Variants in EEF1AKMT3 observed in about 807,000 individuals in gnomAD.
EEF1AKMT3 encodes eEF1A-KMT3.
Under a neutral mutation model 17.8 loss-of-function variants are expected in EEF1AKMT3, and 17 were observed. That is an observed-to-expected ratio of 0.96 (90% CI 0.65 to 1.43). The LOEUF is 1.43. Ranked by LOEUF, EEF1AKMT3 falls within the 40% of genes most tolerant of loss-of-function variation. EEF1AKMT3 has a pLI of 0.00. For synonymous variants in EEF1AKMT3, 116 were observed against 126.5 expected, an observed-to-expected ratio of 0.92 and a Z score of 0.56; for missense variants, 244 against 285.8, an observed-to-expected ratio of 0.85 and a Z score of 1.06.
chr12:57,774,932 C>T (rs978747271), intron 2 of EEF1AKMT3, among the ~76,000 whole-genome samples: 1 of 151,634 alleles, frequency 6.6e-6, no homozygotes, highest in African/African-American at 2.4e-5. Flanking sequence ...ATGGAGAAAC[C>T]CCATCTCTAC....
intron 2 of EEF1AKMT3, chr12:57,774,676 G>GA: frequency 1.2e-6 from 2 of 1,609,700 alleles, no homozygotes; most frequent in Non-Finnish European, 1.7e-6. Flanking sequence ...CATAGAACAA[G>GA]AACTCTGGCG....
intron 2 of EEF1AKMT3, 64 bp downstream of exon 2, chr12:57,773,192 C>T (rs1160360583): frequency 8.7e-6 from 13 of 1,490,760 alleles, no homozygotes; most frequent in Non-Finnish European, 1.1e-5. Context: ...ATGGTCACTT[C>T]GTGGATCTTT....
chr12:57,773,250 C>G (rs1325584285), intron 2 of EEF1AKMT3, 122 bp downstream of exon 2: 11 of 911,996 alleles, frequency 1.2e-5, no homozygotes, highest in Admixed American at 5.2e-5. Context: ...TTCTTTTTAA[C>G]AAATTTTTTT....
Position 57,772,720 on chromosome 12 carries a change from G to GGT in EEF1AKMT3, c.-5_-4insGT. The GGT allele has an allele frequency of 6.2e-7, 1 of 1,611,228 alleles. No homozygotes were observed. ...CGGTGCCCAGGCACTCCCTTGGCGG[G>GGT]CCGGATGGCGGACCCCGGCCCAGAT... On this transcript the variant is annotated 5_prime_UTR_variant, in exon 1 of 3. Coordinates refer to ENST00000300209, the MANE Select transcript of EEF1AKMT3 (RefSeq NM_015433.3). This position sits in a 1 kb window ranked among gnomAD's most constrained non-coding sequence, Gnocchi z 4.1.
intron 2 of EEF1AKMT3, among the ~76,000 whole-genome samples, chr12:57,775,609 T>C (rs1955476310): frequency 6.6e-6 from 1 of 152,222 alleles, no homozygotes; most frequent in Non-Finnish European, 1.5e-5. Context: ...CGTGAACTCC[T>C]GGCCTCAAGT....
chr12:57,775,959 A>C (rs1955478273), intron 2 of EEF1AKMT3, among the ~76,000 whole-genome samples: 1 of 152,158 alleles, frequency 6.6e-6, no homozygotes, highest in Admixed American at 6.5e-5. Flanking sequence ...ACAGCTCCCC[A>C]GTCCAAACCA....
In EEF1AKMT3 at chr12:57,781,637, A is replaced by G. The variant is rs1955516370; in HGVS notation, c.*991A>G. The G allele has an allele frequency of 6.6e-6, 1 of 152,190 alleles. No homozygotes were observed. The highest frequency in any genetic ancestry group is 2.4e-5 in the African/African-American group (1 of 41,432). 9.4% of individuals were successfully genotyped at this position (152,190 alleles called of 1,614,324 possible). ...TTGTGTGCAGAAGAATACTGTACCTAGTACTAAGTTCTTTTCATCTTTGAT... is the reference window on the plus strand; with the variant it reads ...TTGTGTGCAGAAGAATACTGTACCTGGTACTAAGTTCTTTTCATCTTTGAT... On this transcript the variant is annotated 3_prime_UTR_variant, in exon 3 of 3. Coordinates refer to ENST00000300209, the MANE Select transcript of EEF1AKMT3 (RefSeq NM_015433.3).
intron 2 of EEF1AKMT3, among the ~76,000 whole-genome samples, chr12:57,779,802 T>C (rs1955501332): frequency 6.6e-6 from 1 of 152,208 alleles, no homozygotes; most frequent in African/African-American, 2.4e-5. Context: ...CTTTCCTGAA[T>C]ATGCCATGCT....
intron 2 of EEF1AKMT3, among the ~76,000 whole-genome samples, chr12:57,776,804 C>T (rs1160319289): frequency 6.6e-6 from 1 of 152,116 alleles, no homozygotes; most frequent in Non-Finnish European, 1.5e-5. Context: ...GCACGCACCA[C>T]CATGCCTGGC....
intron 2 of EEF1AKMT3, among the ~76,000 whole-genome samples, chr12:57,777,492 T>C (rs909482855): frequency 6.6e-6 from 1 of 152,212 alleles, no homozygotes; most frequent in Non-Finnish European, 1.5e-5. Flanking sequence ...CTTTGATAAC[T>C]TTGCATTTGA....
At chr12:57,773,805 A>G (rs1371295275) in intron 2 of EEF1AKMT3, among the ~76,000 whole-genome samples, 6 of 152,188 alleles carry the variant, frequency 3.9e-5, no homozygotes, top group Admixed American at 3.9e-4. Context: ...CAAGATGCAC[A>G]TATGGGGGTA....
Position 57,778,293 on chromosome 12 carries a change from C to CTTTTTTTTTTTTTTTTTTTTT in EEF1AKMT3, c.290-1947_290-1946insTTTTTTTTTTTTTTTTTTTTT. On this transcript the variant is annotated intron_variant, in intron 2 of 2. Coordinates refer to ENST00000300209, the MANE Select transcript of EEF1AKMT3 (RefSeq NM_015433.3). ...CCAAACACCCAGAAACCATCCTGAG[C>CTTTTTTTTTTTTTTTTTTTTT]TTTTTTTTTTTTTTTGAGACAGGTT... Among the ~76,000 whole-genome samples, 66 of 43,996 alleles carry CTTTTTTTTTTTTTTTTTTTTT rather than the reference C, an allele frequency of 1.5e-3. 26 individuals carry two copies. Among genetic ancestry groups the CTTTTTTTTTTTTTTTTTTTTT allele is most frequent in the Admixed American group, 2.1e-3 (5 of 2,338 alleles). 28.9% of individuals were successfully genotyped at this position (43,996 alleles called of 152,430 possible). A position where few individuals can be genotyped will look rare whatever the true frequency, so the allele number is the denominator to read the frequency against.
intron 2 of EEF1AKMT3, chr12:57,774,586 T>C: frequency 3.4e-6 from 3 of 875,818 alleles, no homozygotes; most frequent in Non-Finnish European, 5.7e-6. Flanking sequence ...ATGCTAGGTA[T>C]TGGGGATTCA....
intron 2 of EEF1AKMT3, 43 bp from the exon 3 acceptor site, chr12:57,780,212 T>C: frequency 6.2e-7 from 1 of 1,601,512 alleles, no homozygotes; most frequent in African/African-American, 1.3e-5. Flanking sequence ...GAACCCTTGG[T>C]TGGTTCCTCT....
Position 57,781,004 on chromosome 12 carries a change from C to T in EEF1AKMT3, c.*358C>T. 3.5e-6 allele frequency: 1 copy of T among 287,160 alleles called. No homozygotes were observed. Among genetic ancestry groups the T allele is most frequent in the Non-Finnish European group, 6.5e-6 (1 of 152,694 alleles). The allele number at this position is 287,160 out of a possible 1,614,324, so 17.8% of individuals were successfully genotyped here. ...CAGACTGTCACTGATCACTTCCATT[C>T]CTGTTGCTGTTTACACAGAATGGAC... On this transcript the variant is annotated 3_prime_UTR_variant, in exon 3 of 3. Coordinates refer to ENST00000300209, the MANE Select transcript of EEF1AKMT3 (RefSeq NM_015433.3).
chr12:57,773,420 T>C (rs576692659), intron 2 of EEF1AKMT3, among the ~76,000 whole-genome samples: 4 of 151,898 alleles, frequency 2.6e-5, no homozygotes, highest in Admixed American at 2.0e-4. Flanking sequence ...GCTTTTTTTT[T>C]GTTTTTAATT....
At position 57,772,877 on chromosome 12, in the gene EEF1AKMT3, G is replaced by A. The variant is rs1325011000; in HGVS notation, c.153G>A (p.Gly51=). Residue 51 remains glycine, a synonymous_variant, in exon 1 of 3, where the codon GGG becomes GGA. Coordinates refer to ENST00000300209, the MANE Select transcript of EEF1AKMT3 (RefSeq NM_015433.3). This position sits in a 1 kb window ranked among gnomAD's most constrained non-coding sequence, Gnocchi z 4.1. ...CGCAGAACTTTGGGTCCCGCCTCGG[G>A]GTGGCGGCGCGCGTGTGGGACGCGG... The part of the protein sequence containing the change: ...TITQNFGSRL[G]VAARVWDAAL... 2 of 1,614,028 alleles carry A rather than the reference G, an allele frequency of 1.2e-6. No individual in the cohort carries two copies. The highest frequency in any genetic ancestry group is 2.7e-5 in the African/African-American group (2 of 74,952).
chr12:57,780,160 C>G lies in EEF1AKMT3; in HGVS notation c.290-95C>G. The G allele has an allele frequency of 2.0e-6, 3 of 1,484,308 alleles. No homozygotes were observed. The South Asian group carries it at 3.7e-5, about 18-fold the overall frequency. 91.9% of individuals were successfully genotyped at this position (1,484,308 alleles called of 1,614,324 possible). A position where few individuals can be genotyped will look rare whatever the true frequency, so the allele number is the denominator to read the frequency against. On this transcript the variant is annotated intron_variant, in intron 2 of 2. Coordinates refer to ENST00000300209, the MANE Select transcript of EEF1AKMT3 (RefSeq NM_015433.3). Reference sequence around the variant, plus strand: ...GGCTCTGGGCTGTCAAGACATTGTCCTCTATGCTCTGAGGTCTCTGGACCT... The same window carrying G: ...GGCTCTGGGCTGTCAAGACATTGTCGTCTATGCTCTGAGGTCTCTGGACCT...
chr12:57,782,219 T>C lies in EEF1AKMT3; in HGVS notation c.*1573T>C, dbSNP rs1254176531. On this transcript the variant is annotated 3_prime_UTR_variant, in exon 3 of 3. Coordinates refer to ENST00000300209, the MANE Select transcript of EEF1AKMT3 (RefSeq NM_015433.3). ...CCTGAGACCCATAAGGTTCATCTTA[T>C]GGGACCTTAATTTGTCTTGCATGGA... 2.0e-5 allele frequency: 3 copies of C among 152,360 alleles called. No individual in the cohort carries two copies. In the East Asian group the frequency reaches 5.8e-4, roughly 29 times the overall value. The allele number at this position is 152,360 out of a possible 1,614,324, so 9.4% of individuals were successfully genotyped here. A position where few individuals can be genotyped will look rare whatever the true frequency, so the allele number is the denominator to read the frequency against.
Sources: gnomAD v4.1 joint callset for allele counts (sites outside exome capture counted in the v4.1 genomes callset) on GRCh38, gnomAD v4.1.1 for gene constraint, Gnocchi (gnomAD v3.1) non-coding constraint, MANE v1.5 for transcripts, NCBI Gene and HGNC (gene_info 2026-07-23, HGNC 2026-07-21) for gene names.